Variants in CUX1 observed in about 807,000 individuals in gnomAD.
The protein encoded by CUX1 is protein CASP.
A neutral mutation model predicts 158.8 loss-of-function variants in CUX1; 31 were observed. The observed-to-expected ratio is 0.20, with a 90% confidence interval of 0.15 to 0.26. CUX1 has a LOEUF of 0.26. Among genes scored for constraint, CUX1 ranks in the 10% least tolerant of loss-of-function variants. The pLI is 1.00. For missense variants in CUX1, 1,589 were observed against 2,014.6 expected, an observed-to-expected ratio of 0.79 and a Z score of 4.04; for synonymous variants, 879 against 862.1, an observed-to-expected ratio of 1.02 and a Z score of -0.34.
At chr7:101,842,705 T>A (rs1199562237) in intron 1 of CUX1, among the ~76,000 whole-genome samples, 1 of 151,848 alleles carries the variant, frequency 6.6e-6, no homozygotes, top group African/African-American at 2.4e-5. Context: ...TTTTTGACAG[T>A]TGTTACATTA....
At position 101,831,734 on chromosome 7, in the gene CUX1, T is replaced by TTTATTATTATTATTATTATTATTATTA. The variant is rs10654094; in HGVS notation, c.30+14088_30+14089insATTATTATTATTATTATTATTATTATT. Among the ~76,000 whole-genome samples, 377 of 147,402 alleles carry TTTATTATTATTATTATTATTATTATTA rather than the reference T, an allele frequency of 2.6e-3. 2 individuals carry two copies. Among genetic ancestry groups the TTTATTATTATTATTATTATTATTATTA allele is most frequent in the East Asian group, 0.017 (86 of 4,940 alleles). ...TCTTCTGAAGGCCCTGAGAAATAAC[T>TTTATTATTATTATTATTATTATTATTA]TTATTATTATTATTATTATTATTTA... On this transcript the variant is annotated intron_variant, in intron 1 of 23. Coordinates refer to ENST00000292535, the MANE Select transcript of CUX1 (RefSeq NM_181552.4).
At chr7:102,048,554 C>T (rs1336739000) in intron 3 of CUX1, among the ~76,000 whole-genome samples, 2 of 152,172 alleles carry the variant, frequency 1.3e-5, no homozygotes, top group Non-Finnish European at 2.9e-5. Flanking sequence ...ATCAGCTGGG[C>T]ACAATGGCTC....
chr7:102,030,616 C>T (rs1331476336), intron 3 of CUX1, among the ~76,000 whole-genome samples: 3 of 151,630 alleles, frequency 2.0e-5, no homozygotes, highest in Admixed American at 2.0e-4. Flanking sequence ...AACGGCCCTC[C>T]TCGCAACTGA....
In CUX1 at chr7:101,889,440, G is replaced by T. The variant is rs373604488; in HGVS notation, c.31-26675G>T. On this transcript the variant is annotated intron_variant, in intron 1 of 23. Coordinates refer to ENST00000292535, the MANE Select transcript of CUX1 (RefSeq NM_181552.4). ...TCCAGCTTTATGGGATTCATAAAAT[G>T]GCCTTGAGAAAAGTAAACCGATTTT... Among the ~76,000 whole-genome samples, 6 of 152,238 alleles carry T rather than the reference G, an allele frequency of 3.9e-5. 1 individual carries two copies. In the South Asian group the frequency reaches 1.2e-3, roughly 32 times the overall value.
chr7:101,964,552 A>C (rs1043896636), intron 2 of CUX1, among the ~76,000 whole-genome samples: 1 of 152,100 alleles, frequency 6.6e-6, no homozygotes, highest in South Asian at 2.1e-4. Flanking sequence ...CAAGTTTCTC[A>C]TTCTTTTTTG....
intron 22 of CUX1, among the ~76,000 whole-genome samples, 185 bp from the exon 23 acceptor site, chr7:102,239,135 C>T (rs781807005): frequency 6.6e-6 from 1 of 152,212 alleles, no homozygotes; most frequent in Non-Finnish European, 1.5e-5. Context: ...GATCTGCCTG[C>T]CTCGGCCTCC....
chr7:102,135,749 C>T (rs1177070727), intron 8 of CUX1, among the ~76,000 whole-genome samples: 6 of 152,040 alleles, frequency 3.9e-5, no homozygotes, highest in South Asian at 2.1e-4. Flanking sequence ...CCAAGGCAGG[C>T]GGATCACTTG....
chr7:102,127,904 G>A (rs571181841), intron 8 of CUX1, among the ~76,000 whole-genome samples: 6 of 152,262 alleles, frequency 3.9e-5, no homozygotes, highest in East Asian at 1.9e-4. Context: ...CTGGAGTGCC[G>A]TGGCATGATC....
chr7:101,851,871 C>T (rs1489948176), intron 1 of CUX1, among the ~76,000 whole-genome samples: 1 of 151,692 alleles, frequency 6.6e-6, no homozygotes, highest in Non-Finnish European at 1.5e-5. Context: ...CTCTGTCACC[C>T]AGGCCAGAGT....
At chr7:102,137,355 G>T (rs1174833512) in intron 8 of CUX1, among the ~76,000 whole-genome samples, 3 of 152,204 alleles carry the variant, frequency 2.0e-5, no homozygotes, top group Non-Finnish European at 4.4e-5. Context: ...GTAATGGCAG[G>T]TTGGGCGCGG....
At chr7:102,065,584 C>T (rs955396994) in intron 3 of CUX1, among the ~76,000 whole-genome samples, 1 of 152,138 alleles carries the variant, frequency 6.6e-6, no homozygotes, top group Non-Finnish European at 1.5e-5. Context: ...CCTCATGGTC[C>T]ATTTGCATAC....
chr7:101,993,331 AAAATAAAT>A (rs36140974), intron 2 of CUX1, among the ~76,000 whole-genome samples: 6 of 151,178 alleles, frequency 4.0e-5, no homozygotes, highest in Admixed American at 1.3e-4. Flanking sequence ...CTCCGTCTCA[AAAATAAAT>A]AAATAAATAA....
At chr7:102,090,736 A>G (rs1828500702) in intron 4 of CUX1, among the ~76,000 whole-genome samples, 1 of 142,924 alleles carries the variant, frequency 7.0e-6, no homozygotes, top group Non-Finnish European at 1.5e-5. Flanking sequence ...CATTTCTTAT[A>G]TTAATTAACA....
chr7:102,107,681 C>G (rs1459825262), intron 6 of CUX1, among the ~76,000 whole-genome samples: 1 of 152,246 alleles, frequency 6.6e-6, no homozygotes, highest in Admixed American at 6.5e-5. Flanking sequence ...TAGACCATCT[C>G]TTTTCATAGA....
intron 1 of CUX1, among the ~76,000 whole-genome samples, chr7:101,903,643 A>G (rs1434424209): frequency 6.6e-6 from 1 of 152,122 alleles, no homozygotes; most frequent in Non-Finnish European, 1.5e-5. Context: ...TCTCCCTGCC[A>G]CAGAGCCGGC....
intron 4 of CUX1, among the ~76,000 whole-genome samples, chr7:102,095,353 A>G (rs1585645461): frequency 6.6e-6 from 1 of 152,102 alleles, no homozygotes; most frequent in Non-Finnish European, 1.5e-5. Flanking sequence ...AAATATTTTG[A>G]TGCTGATTAA....
chr7:101,932,481 C>T, intron 2 of CUX1: 6 of 422,042 alleles, frequency 1.4e-5, no homozygotes, highest in Admixed American at 5.2e-5. Flanking sequence ...CGCTTACGAG[C>T]GCAGCATTTT....
At chr7:101,911,326 G>T (rs1803420660) in intron 1 of CUX1, among the ~76,000 whole-genome samples, 1 of 151,980 alleles carries the variant, frequency 6.6e-6, no homozygotes, top group Non-Finnish European at 1.5e-5. Context: ...TGCGGTGGAC[G>T]ACCTGAGCCC....
chr7:101,996,257 A>G (rs1815868329), intron 2 of CUX1, among the ~76,000 whole-genome samples: 1 of 151,030 alleles, frequency 6.6e-6, no homozygotes, highest in African/African-American at 2.5e-5. Flanking sequence ...GGCTGTGGAC[A>G]CTTCCTGTGT....
Sources: allele counts gnomAD v4.1 joint callset (sites outside exome capture counted in the v4.1 genomes callset), GRCh38; gene constraint gnomAD v4.1.1; transcripts MANE v1.5; gene names NCBI Gene and HGNC (gene_info 2026-07-23, HGNC 2026-07-21).